Variants in SMOC1 observed in about 807,000 individuals in gnomAD.
SMOC1 encodes SPARC related modular calcium binding 1, also known as SPARC-related modular calcium-binding protein 1.
A neutral mutation model predicts 56.3 loss-of-function variants in SMOC1; 22 were observed. The observed-to-expected ratio is 0.39, with a 90% CI of 0.28 to 0.56. SMOC1 has a LOEUF of 0.56. SMOC1 is among the 20% of genes least tolerant of loss of function. The pLI, the probability that SMOC1 is intolerant of heterozygous loss-of-function variation, is 0.61. For missense variants in SMOC1, 509 were observed against 565.4 expected (o/e 0.90, Z 1.01); for synonymous variants, 193 against 215.0 (o/e 0.90, Z 0.89).
chr14:69,986,981 T>C (rs1184362908), intron 5 of SMOC1, among the ~76,000 whole-genome samples: 2 of 152,226 alleles, frequency 1.3e-5, no homozygotes, highest in Non-Finnish European at 2.9e-5. Flanking sequence ...TCAGGAAATG[T>C]TGAGGTGGCC....
At chr14:69,885,451 G>C in intron 1 of SMOC1, 1 of 1,601,194 alleles carries the variant, frequency 6.2e-7, no homozygotes, top group Non-Finnish European at 8.5e-7. Context: ...GGATCTCATC[G>C]TATCTGTCAT....
At chr14:69,979,327 C>T (rs1463279346) in intron 5 of SMOC1, among the ~76,000 whole-genome samples, 1 of 152,172 alleles carries the variant, frequency 6.6e-6, no homozygotes, top group East Asian at 1.9e-4. Context: ...ACAGGTGATA[C>T]CACCACCCAC....
At chr14:69,905,662 G>C (rs1884388412) in intron 1 of SMOC1, among the ~76,000 whole-genome samples, 1 of 152,156 alleles carries the variant, frequency 6.6e-6, no homozygotes, top group Non-Finnish European at 1.5e-5. Flanking sequence ...GTTGATAGTG[G>C]GGTTGAAGAA....
At chr14:69,932,094 A>C (rs79604673) in intron 1 of SMOC1, among the ~76,000 whole-genome samples, 14,477 of 152,234 alleles carry the variant, frequency 0.095, 747 homozygotes, top group South Asian at 0.15. Flanking sequence ...CAACCCTCCA[A>C]CAGGTGCGTG....
intron 6 of SMOC1, among the ~76,000 whole-genome samples, chr14:69,993,950 CAT>C (rs1422929996): frequency 6.6e-6 from 1 of 152,186 alleles, no homozygotes; most frequent in African/African-American, 2.4e-5. Context: ...TTGAAGCACA[CAT>C]GAGACGCACT....
intron 7 of SMOC1, among the ~76,000 whole-genome samples, chr14:70,005,045 T>G (rs1324619300): frequency 1.3e-5 from 2 of 152,236 alleles, no homozygotes; most frequent in Non-Finnish European, 1.5e-5. Context: ...GGATCTCAGC[T>G]TTTCTGTCTG....
chr14:69,910,121 A>G (rs1193486972), intron 1 of SMOC1, among the ~76,000 whole-genome samples: 1 of 152,244 alleles, frequency 6.6e-6, no homozygotes, highest in East Asian at 1.9e-4. Context: ...AAAAGATTTA[A>G]TATGATGAAC....
chr14:69,961,903 C>T, intron 3 of SMOC1, among the ~76,000 whole-genome samples: 1 of 152,172 alleles, frequency 6.6e-6, no homozygotes, highest in East Asian at 1.9e-4. Context: ...TTCTCCACAT[C>T]CTTGTCAACA....
intron 7 of SMOC1, among the ~76,000 whole-genome samples, chr14:70,009,271 A>G (rs1885251294): frequency 6.6e-6 from 1 of 152,176 alleles, no homozygotes; most frequent in Admixed American, 6.5e-5. Context: ...GAGAATCACC[A>G]GGCTATTGTT....
rs1594782752 is a variant in SMOC1 at position 69,879,590 on chromosome 14, C to A, written c.-89C>A. On this transcript the variant is annotated 5_prime_UTR_variant, in exon 1 of 12. Transcript: ENST00000361956. ...CCCGCTCCCCGCCGCCGCGAGGGCC[C>A]CGAGCGAAGGAAGGAAGGGAGGCGC... is the stretch of plus-strand genomic sequence containing the variant. 5 of 1,085,982 alleles carry A rather than the reference C, an allele frequency of 4.6e-6. No individual in the cohort carries two copies. In the East Asian group the frequency reaches 1.7e-4, roughly 36 times the overall value. 67.3% of individuals were successfully genotyped at this position (1,085,982 alleles called of 1,614,324 possible). A position where few individuals can be genotyped will look rare whatever the true frequency, so the allele number is the denominator to read the frequency against.
chr14:69,942,977 G>A (rs141945046), intron 1 of SMOC1, among the ~76,000 whole-genome samples: 5 of 152,246 alleles, frequency 3.3e-5, no homozygotes, highest in African/African-American at 9.6e-5. Flanking sequence ...TTCTCCCCTG[G>A]GCCCTGGCCC....
chr14:69,986,585 T>A (rs1884372452), intron 5 of SMOC1, among the ~76,000 whole-genome samples: 1 of 152,118 alleles, frequency 6.6e-6, no homozygotes, highest in South Asian at 2.1e-4. Flanking sequence ...TGTATTATCT[T>A]TGCAACTTCC....
intron 1 of SMOC1, among the ~76,000 whole-genome samples, chr14:69,897,771 T>G (rs905151531): frequency 2.0e-5 from 3 of 152,226 alleles, no homozygotes; most frequent in African/African-American, 7.2e-5. Flanking sequence ...ACTCATGGAC[T>G]ACATTGTTGC....
At chr14:69,883,923 G>T (rs1286974515) in intron 1 of SMOC1, among the ~76,000 whole-genome samples, 2 of 77,008 alleles carry the variant, frequency 2.6e-5, no homozygotes, top group Non-Finnish European at 4.5e-5. Flanking sequence ...TTTTTGAGAC[G>T]GAGTCTCGCT....
At chr14:69,999,490 G>A (rs1207348387) in intron 7 of SMOC1, among the ~76,000 whole-genome samples, 1 of 152,212 alleles carries the variant, frequency 6.6e-6, no homozygotes, top group African/African-American at 2.4e-5. Flanking sequence ...GAGGAAGAAT[G>A]AGTAATCCAC....
chr14:70,027,364 A>G (rs1885966379), intron 11 of SMOC1, among the ~76,000 whole-genome samples: 1 of 152,136 alleles, frequency 6.6e-6, no homozygotes, highest in Middle Eastern at 3.4e-3. Flanking sequence ...TGCCTGGTGA[A>G]GCCAAGGGAG....
chr14:69,948,442 G>A (rs993746468), intron 1 of SMOC1, among the ~76,000 whole-genome samples: 1 of 152,180 alleles, frequency 6.6e-6, no homozygotes, highest in Non-Finnish European at 1.5e-5. Context: ...GGCCTCTGAA[G>A]TTCTTTAACC....
intron 1 of SMOC1, among the ~76,000 whole-genome samples, chr14:69,929,825 G>T (rs1335607343): frequency 6.6e-6 from 1 of 152,162 alleles, no homozygotes; most frequent in Non-Finnish European, 1.5e-5. Flanking sequence ...CTTGTTTCTT[G>T]GTCGGACAGG....
At chr14:69,908,891 T>G (rs1884481758) in intron 1 of SMOC1, among the ~76,000 whole-genome samples, 1 of 151,730 alleles carries the variant, frequency 6.6e-6, no homozygotes, top group African/African-American at 2.4e-5. Context: ...GGTGTGGGGG[T>G]GTGTGTGTGT....
Sources: gnomAD v4.1 joint callset for allele counts (sites outside exome capture counted in the v4.1 genomes callset) on GRCh38, gnomAD v4.1.1 for gene constraint, MANE v1.5 for transcripts, NCBI Gene and HGNC (gene_info 2026-07-23, HGNC 2026-07-21) for gene names.